KIF13B: variants seen among roughly 807,000 people sequenced by gnomAD.
KIF13B encodes the protein kinesin family member 13B, also known as kinesin-like protein KIF13B.
A neutral mutation model predicts 222.0 loss-of-function variants in KIF13B; 127 were observed. That is an observed-to-expected ratio of 0.57 (90% CI 0.50 to 0.66). The LOEUF (loss-of-function observed/expected upper bound fraction) is 0.66. KIF13B is among the 30% of genes least tolerant of loss of function. The pLI is 0.00. For synonymous variants in KIF13B, 976 were observed against 919.0 expected, an observed-to-expected ratio of 1.06 and a Z score of -1.12; for missense variants, 2,173 against 2,379.0, an observed-to-expected ratio of 0.91 and a Z score of 1.80.
chr8:29,163,163 C>A (rs1286398728), intron 12 of KIF13B, among the ~76,000 whole-genome samples: 1 of 152,192 alleles, frequency 6.6e-6, no homozygotes, highest in Non-Finnish European at 1.5e-5. Context: ...TTAGAAAATA[C>A]TCATCTTGAG....
At chr8:29,096,271 A>C (rs2133561704) in intron 36 of KIF13B, among the ~76,000 whole-genome samples, 1 of 147,178 alleles carries the variant, frequency 6.8e-6, no homozygotes, top group East Asian at 2.0e-4. Flanking sequence ...GGCGTAAGCC[A>C]CTGCACCCAG....
intron 2 of KIF13B, among the ~76,000 whole-genome samples, chr8:29,238,500 G>T (rs1160480495): frequency 6.6e-6 from 1 of 152,108 alleles, no homozygotes; most frequent in African/African-American, 2.4e-5. Context: ...CTATCAGAAG[G>T]AACAAAAAGA....
At chr8:29,087,691 C>A (rs1808103186) in intron 37 of KIF13B, among the ~76,000 whole-genome samples, 1 of 152,166 alleles carries the variant, frequency 6.6e-6, no homozygotes. Flanking sequence ...CATTTGCAAG[C>A]CCAGGGGGAA....
chr8:29,116,695 A>T, intron 31 of KIF13B, 136 bp downstream of exon 31: 1 of 711,044 alleles, frequency 1.4e-6, no homozygotes, highest in Non-Finnish European at 2.3e-6. Flanking sequence ...GGTACAGGAC[A>T]GCAGCAGTCA....
chr8:29,149,961 AAAAT>A (rs1332956871), intron 15 of KIF13B, among the ~76,000 whole-genome samples: 4 of 152,190 alleles, frequency 2.6e-5, no homozygotes, highest in East Asian at 3.8e-4. Flanking sequence ...TTTCCGTAAA[AAAAT>A]AAATAAAAAA....
intron 2 of KIF13B, among the ~76,000 whole-genome samples, chr8:29,197,336 CAAAAAAAAAAA>C (rs71222598): frequency 6.9e-5 from 4 of 57,780 alleles, no homozygotes; most frequent in Non-Finnish European, 9.1e-5. Flanking sequence ...GACTCCGTCT[CAAAAAAAAAAA>C]AAAAAAAAAA....
intron 10 of KIF13B, among the ~76,000 whole-genome samples, chr8:29,169,599 T>C (rs1010536887): frequency 1.3e-5 from 2 of 152,234 alleles, no homozygotes; most frequent in Admixed American, 1.3e-4. Context: ...CATAATTATA[T>C]TGCTGAAGAA....
intron 14 of KIF13B, among the ~76,000 whole-genome samples, chr8:29,154,354 G>A (rs1811424168): frequency 6.6e-6 from 1 of 151,934 alleles, no homozygotes; most frequent in Non-Finnish European, 1.5e-5. Flanking sequence ...TCGGGAGAAG[G>A]GAAGGGGAGA....
intron 38 of KIF13B, among the ~76,000 whole-genome samples, chr8:29,073,078 T>TACGAGGAGGGGG (rs1563678162): frequency 1.1e-4 from 10 of 93,132 alleles, no homozygotes; most frequent in Non-Finnish European, 1.8e-4. Flanking sequence ...CGAGGAGGGG[T>TACGAGGAGGGGG]ACGAGGAGGG....
intron 32 of KIF13B, among the ~76,000 whole-genome samples, chr8:29,112,138 T>C (rs965619628): frequency 3.3e-5 from 5 of 152,210 alleles, no homozygotes; most frequent in African/African-American, 1.2e-4. Flanking sequence ...AAGTACCATG[T>C]AATATTTTTC....
intron 35 of KIF13B, among the ~76,000 whole-genome samples, chr8:29,103,996 C>G (rs192231649): frequency 2.6e-5 from 4 of 152,256 alleles, no homozygotes; most frequent in Middle Eastern, 3.4e-3. Context: ...TGGTCTCCCC[C>G]CATCCTCACC....
intron 38 of KIF13B, among the ~76,000 whole-genome samples, chr8:29,074,981 TAGA>T (rs1462325325): frequency 1.3e-5 from 2 of 152,194 alleles, no homozygotes; most frequent in African/African-American, 4.8e-5. Context: ...AGCAAACATT[TAGA>T]AGAAGGAGAT....
At chr8:29,158,161 C>T (rs537277053) in intron 13 of KIF13B, among the ~76,000 whole-genome samples, 60 of 152,318 alleles carry the variant, frequency 3.9e-4, no homozygotes, top group African/African-American at 1.4e-3. Context: ...CAGAGAGGTG[C>T]TTCCTGAGCT....
At chr8:29,197,109 G>A (rs970432033) in intron 2 of KIF13B, among the ~76,000 whole-genome samples, 8 of 151,696 alleles carry the variant, frequency 5.3e-5, no homozygotes, top group Non-Finnish European at 8.8e-5. Context: ...AGGCCGAGGC[G>A]GGCGGATCAC....
intron 13 of KIF13B, among the ~76,000 whole-genome samples, chr8:29,157,151 C>T (rs1811570862): frequency 6.6e-6 from 1 of 152,004 alleles, no homozygotes; most frequent in African/African-American, 2.4e-5. Flanking sequence ...ATCCTAGATT[C>T]AGCCTCCAGG....
chr8:29,186,257 C>T, intron 6 of KIF13B, 35 bp downstream of exon 6: 1 of 1,530,054 alleles, frequency 6.5e-7, no homozygotes, highest in East Asian at 2.3e-5. Flanking sequence ...TTTCAGTTCA[C>T]AATGCTGAAA....
intron 32 of KIF13B, among the ~76,000 whole-genome samples, chr8:29,112,233 G>C (rs570325145): frequency 6.6e-6 from 1 of 152,234 alleles, no homozygotes; most frequent in South Asian, 2.1e-4. Context: ...AGGAGACTGA[G>C]AGCATCCTGG....
At chr8:29,248,356 G>A (rs745513707) in intron 1 of KIF13B, among the ~76,000 whole-genome samples, 8 of 152,228 alleles carry the variant, frequency 5.3e-5, no homozygotes, top group African/African-American at 1.4e-4. Context: ...GCAAAAAAAC[G>A]AATGAAGAAC....
chr8:29,263,245 G>C (rs559444377), upstream of KIF13B: 2 of 539,944 alleles, frequency 3.7e-6, no homozygotes, highest in Non-Finnish European at 6.4e-6. Context: ...GCGAAGGCGG[G>C]GGCGGGAATG....
Sources: allele counts gnomAD v4.1 joint callset (sites outside exome capture counted in the v4.1 genomes callset), GRCh38; gene constraint gnomAD v4.1.1; transcripts MANE v1.5; gene names NCBI Gene and HGNC (gene_info 2026-07-23, HGNC 2026-07-21).